TNFSF13B: variants seen among roughly 807,000 people sequenced by gnomAD.
TNFSF13B encodes the protein TNF superfamily member 13b.
In TNFSF13B, 8 loss-of-function variants were observed where a neutral mutation model predicts 29.1. The ratio of observed to expected loss-of-function variants is 0.27; its 90% CI spans 0.16 to 0.50. The LOEUF (loss-of-function observed/expected upper bound fraction) is 0.50, where lower values mean the gene tolerates loss of function less well. Among genes scored for constraint, TNFSF13B ranks in the 20% least tolerant of loss-of-function variants. TNFSF13B has a pLI of 0.98. For synonymous variants in TNFSF13B, 125 were observed against 130.8 expected (o/e 0.96, Z 0.30); for missense variants, 248 against 334.9 (o/e 0.74, Z 2.03).
In TNFSF13B at chr13:108,290,319, G is replaced by T. The variant is rs146393436; in HGVS notation, c.481+3460G>T. On this transcript the variant is annotated intron_variant, in intron 3 of 5. Transcript: ENST00000375887. ...ATAGACTTCTTGGTGTCCATCTTTT[G>T]CAATGCAGGTGCTTCGAAAAATAAT... is the stretch of plus-strand genomic sequence containing the variant. Among the ~76,000 whole-genome samples the T allele has an allele frequency of 2.0e-4, 30 of 152,110 alleles. 1 individual carries two copies. Among genetic ancestry groups the T allele is most frequent in the African/African-American group, 6.3e-4 (26 of 41,494 alleles).
chr13:108,295,883 T>C (rs1881447197), intron 3 of TNFSF13B, among the ~76,000 whole-genome samples: 1 of 146,220 alleles, frequency 6.8e-6, no homozygotes. Context: ...GAATGCTTAA[T>C]AGAGAGCCAT....
chr13:108,280,934 C>G (rs556727757), intron 2 of TNFSF13B, among the ~76,000 whole-genome samples: 1 of 152,000 alleles, frequency 6.6e-6, no homozygotes, highest in Non-Finnish European at 1.5e-5. Context: ...CCTCTAATGC[C>G]GAGGTATTTA....
chr13:108,291,157 A>G (rs1280912693), intron 3 of TNFSF13B, among the ~76,000 whole-genome samples: 1 of 151,434 alleles, frequency 6.6e-6, no homozygotes, highest in Non-Finnish European at 1.5e-5. Flanking sequence ...AGGGCTTTGT[A>G]TTATTTTCTG....
chr13:108,305,746 G>A, intron 5 of TNFSF13B, among the ~76,000 whole-genome samples: 1 of 152,118 alleles, frequency 6.6e-6, no homozygotes, highest in East Asian at 1.9e-4. Context: ...CAGTGGGGAT[G>A]GAAATTCTGT....
In TNFSF13B at chr13:108,295,706, T is replaced by C. The variant is rs1185256096; in HGVS notation, c.482-7547T>C. Among the ~76,000 whole-genome samples, 4 of 145,820 alleles carry C rather than the reference T, an allele frequency of 2.7e-5. 2 individuals are homozygous for C. Among genetic ancestry groups the C allele is most frequent in the African/African-American group, 1.0e-4 (4 of 38,782 alleles). The stretch of plus-strand genomic sequence containing the variant: ...CTTTCTGAGTGCTACTTTCACTGCT[T>C]CCTATGAATATTGCTATGCTGTGTT... On this transcript the variant is annotated intron_variant, in intron 3 of 5. Coordinates refer to ENST00000375887, the MANE Select transcript of TNFSF13B (RefSeq NM_006573.5).
intron 2 of TNFSF13B, among the ~76,000 whole-genome samples, chr13:108,280,392 G>A (rs1880905604): frequency 6.6e-6 from 1 of 152,068 alleles, no homozygotes; most frequent in African/African-American, 2.4e-5. Flanking sequence ...CAAATGGAAA[G>A]GTCCAAGGGG....
rs58093140 is a variant in TNFSF13B at position 108,307,016 on chromosome 13, C to CAAAAAAAAAAAAAAAAAAAAAAAAAA, written c.*84_*109dup. On this transcript the variant is annotated 3_prime_UTR_variant, in exon 6 of 6. Coordinates refer to ENST00000375887, the MANE Select transcript of TNFSF13B (RefSeq NM_006573.5). ...GAAGAAAGAATCTAACTGAAAATAC[C>CAAAAAAAAAAAAAAAAAAAAAAAAAA]AAAAAAAAAAAAAAAAAAAAAAAAA... 2 of 73,848 alleles carry CAAAAAAAAAAAAAAAAAAAAAAAAAA rather than the reference C, an allele frequency of 2.7e-5. No individual in the cohort carries two copies. The highest frequency in any genetic ancestry group is 2.5e-5 in the Non-Finnish European group (1 of 39,372). 4.6% of individuals were successfully genotyped at this position (73,848 alleles called of 1,614,324 possible).
chr13:108,304,979 T>C (rs918035279), intron 5 of TNFSF13B, among the ~76,000 whole-genome samples: 1 of 152,194 alleles, frequency 6.6e-6, no homozygotes, highest in Non-Finnish European at 1.5e-5. Context: ...TTTATATTTA[T>C]TAGTACTAAA....
intron 2 of TNFSF13B, among the ~76,000 whole-genome samples, chr13:108,275,234 A>G (rs1036595434): frequency 1.3e-5 from 2 of 152,220 alleles, no homozygotes; most frequent in East Asian, 3.9e-4. Context: ...AATAAAATTT[A>G]TTTACAAATG....
rs764598722 is a variant in TNFSF13B, at chr13:108,270,321, G to A, written c.340-19G>A. On this transcript the variant is annotated intron_variant, in intron 1 of 5. Transcript: ENST00000375887. Reference sequence around the variant, plus strand: ...GCCTCAGCTGTCTTTCTAATAACTTGAAGTTTTTCTGTTCATAGATCTTTG... The same window carrying A: ...GCCTCAGCTGTCTTTCTAATAACTTAAAGTTTTTCTGTTCATAGATCTTTG... 1.9e-5 allele frequency: 30 copies of A among 1,613,992 alleles called. No homozygotes were observed. The highest frequency in any genetic ancestry group is 2.1e-5 in the Non-Finnish European group (25 of 1,179,998).
intron 2 of TNFSF13B, among the ~76,000 whole-genome samples, chr13:108,278,037 A>G (rs367602162): frequency 1.4e-4 from 21 of 152,174 alleles, no homozygotes; most frequent in African/African-American, 4.8e-4. Flanking sequence ...CATTATACAG[A>G]TTTAAAATGC....
chr13:108,279,210 T>A lies in TNFSF13B; in HGVS notation c.425-7593T>A, dbSNP rs187904818. 5.8e-3 allele frequency among the ~76,000 whole-genome samples: 880 copies of A among 152,338 alleles called. 8 individuals are homozygous for A. Among genetic ancestry groups the A allele is most frequent in the African/African-American group, 0.019 (802 of 41,590 alleles). ...ATATATTATTCCACGGATTTTTTTT[T>A]AAGTCTGCTGTAAATCAGACACTGA... On this transcript the variant is annotated intron_variant, in intron 2 of 5. Transcript: ENST00000375887.
chr13:108,279,084 G>A (rs1880857959), intron 2 of TNFSF13B, among the ~76,000 whole-genome samples: 1 of 150,138 alleles, frequency 6.7e-6, no homozygotes, highest in South Asian at 2.1e-4. Flanking sequence ...TTTCCCTCAA[G>A]CAATGACTTG....
intron 3 of TNFSF13B, 139 bp from the exon 4 acceptor site, chr13:108,303,114 T>C (rs1204299850): frequency 1.5e-6 from 1 of 689,366 alleles, no homozygotes; most frequent in Non-Finnish European, 2.3e-6. Flanking sequence ...TATTCCTTTT[T>C]CCTTTTTTTT....
chr13:108,280,958 T>TATTAGAGGTA (rs1555311999), intron 2 of TNFSF13B, among the ~76,000 whole-genome samples: 100 of 152,270 alleles, frequency 6.6e-4, no homozygotes, highest in African/African-American at 2.3e-3. Flanking sequence ...GTATTAGAGG[T>TATTAGAGGTA]ATTAGAGGTA....
At chr13:108,281,505 A>G (rs1277109297) in intron 2 of TNFSF13B, among the ~76,000 whole-genome samples, 1 of 152,224 alleles carries the variant, frequency 6.6e-6, no homozygotes, top group African/African-American at 2.4e-5. Flanking sequence ...ATTTGAGACC[A>G]AACCATCCTC....
chr13:108,305,061 A>G (rs1431858396), intron 5 of TNFSF13B, among the ~76,000 whole-genome samples: 3 of 151,942 alleles, frequency 2.0e-5, no homozygotes, highest in Non-Finnish European at 4.4e-5. Context: ...CTGTTAGAGG[A>G]CTCTGCTAGA....
At chr13:108,297,492 G>T (rs577341482) in intron 3 of TNFSF13B, among the ~76,000 whole-genome samples, 3 of 144,932 alleles carry the variant, frequency 2.1e-5, no homozygotes, top group East Asian at 1.9e-4. Flanking sequence ...ACTTTCTTCA[G>T]CGTTGGAAAG....
At position 108,295,646 on chromosome 13, in the gene TNFSF13B, C is replaced by A. The variant is rs1435471996; in HGVS notation, c.482-7607C>A. On this transcript the variant is annotated intron_variant, in intron 3 of 5. Transcript: ENST00000375887. The stretch of plus-strand genomic sequence containing the variant: ...TGAACTTAGGATATTATGTTGAGAT[C>A]TTTTTTTAACATAGGCATTTACAGT... Among the ~76,000 whole-genome samples, 4 of 145,562 alleles carry A rather than the reference C, an allele frequency of 2.7e-5. 1 individual carries two copies. The highest frequency in any genetic ancestry group is 3.5e-3 in the Middle Eastern group (1 of 286).
Sources: gnomAD v4.1 joint callset for allele counts (sites outside exome capture counted in the v4.1 genomes callset) on GRCh38, gnomAD v4.1.1 for gene constraint, MANE v1.5 for transcripts, NCBI Gene and HGNC (gene_info 2026-07-23, HGNC 2026-07-21) for gene names.